Variants in LRRC63 observed in about 807,000 individuals in gnomAD.
LRRC63 encodes leucine-rich repeat-containing protein 63.
LRRC63 carries 40 observed loss-of-function variants against 49.5 expected under a neutral mutation model. The observed-to-expected ratio is 0.81, with a 90% CI of 0.63 to 1.05. The LOEUF is 1.05. Among genes scored for constraint, LRRC63 ranks in the 50% least tolerant of loss-of-function variants. The pLI, the probability that LRRC63 is intolerant of heterozygous loss-of-function variation, is 0.00. For synonymous variants in LRRC63, 191 were observed against 221.1 expected (o/e 0.86, Z 1.21); for missense variants, 636 against 663.1 (o/e 0.96, Z 0.45).
chr13:46,237,461 C>CTA lies in LRRC63; in HGVS notation c.990+3115_990+3116dup, dbSNP rs569880568. ...ACAAGTTGTTAATGTTGGGGGAAGG[C>CTA]TATAGGTACATGTGGTGAAGGGGTA... On this transcript the variant is annotated intron_variant, in intron 5 of 9. Transcript: ENST00000595396. Among the ~76,000 whole-genome samples, 74 of 152,030 alleles carry CTA rather than the reference C, an allele frequency of 4.9e-4. 1 individual carries two copies. The South Asian group carries it at 0.015, about 31-fold the overall frequency.
chr13:46,276,820 ATGTG>A (rs72350100), exon 10 of LRRC63: 14 of 203,824 alleles, frequency 6.9e-5, no homozygotes, highest in African/African-American at 2.4e-4. Context: ...GATTTATCGT[ATGTG>A]TGTGTATATA....
intron 5 of LRRC63, among the ~76,000 whole-genome samples, chr13:46,241,184 C>A (rs905359540): frequency 6.6e-6 from 1 of 152,186 alleles, no homozygotes; most frequent in Non-Finnish European, 1.5e-5. Flanking sequence ...CTACAACTAT[C>A]TGATCTTTGA....
chr13:46,275,749 GCTGTTGATT>G (rs2047827617), intron 9 of LRRC63, among the ~76,000 whole-genome samples: 1 of 151,848 alleles, frequency 6.6e-6, no homozygotes, highest in Admixed American at 6.6e-5. Context: ...CATTCTGTAG[GCTGTTGATT>G]CTGTTGATTT....
intron 9 of LRRC63, among the ~76,000 whole-genome samples, chr13:46,274,888 A>C (rs892504204): frequency 6.6e-6 from 1 of 152,126 alleles, no homozygotes; most frequent in Admixed American, 6.5e-5. Context: ...GAAAATACAC[A>C]ATAAATTATT....
exon 10 of LRRC63, chr13:46,276,806 C>T (rs899708028): frequency 1.7e-4 from 135 of 817,686 alleles, no homozygotes; most frequent in Non-Finnish European, 2.7e-5. Flanking sequence ...AATTATAGTA[C>T]AATGATTTAT....
intron 2 of LRRC63, among the ~76,000 whole-genome samples, chr13:46,215,375 T>C (rs2046219395): frequency 6.6e-6 from 1 of 152,210 alleles, no homozygotes; most frequent in Non-Finnish European, 1.5e-5. Flanking sequence ...GATGTTAAGC[T>C]TTTTTTCATA....
At chr13:46,263,256 G>A (rs867385817) in intron 8 of LRRC63, among the ~76,000 whole-genome samples, 5 of 151,596 alleles carry the variant, frequency 3.3e-5, no homozygotes, top group African/African-American at 1.2e-4. Flanking sequence ...AGCTCACTAC[G>A]GCCTTGAACT....
At chr13:46,215,557 C>T (rs772781183) in intron 2 of LRRC63, among the ~76,000 whole-genome samples, 14 of 151,954 alleles carry the variant, frequency 9.2e-5, no homozygotes, top group Non-Finnish European at 2.1e-4. Context: ...TTCTCCCATT[C>T]TGTAGGCTGC....
chr13:46,266,482 A>G (rs2047685848), intron 8 of LRRC63, among the ~76,000 whole-genome samples: 1 of 152,228 alleles, frequency 6.6e-6, no homozygotes, highest in South Asian at 2.1e-4. Context: ...CATAGTGATG[A>G]CATATTGCAA....
intron 8 of LRRC63, among the ~76,000 whole-genome samples, chr13:46,265,831 A>C (rs575087198): frequency 6.6e-6 from 1 of 152,114 alleles, no homozygotes. Context: ...AGACCATGAG[A>C]GGTGAATTAG....
chr13:46,241,659 A>G (rs112244349), intron 5 of LRRC63, among the ~76,000 whole-genome samples: 284 of 152,342 alleles, frequency 1.9e-3, no homozygotes, highest in African/African-American at 6.6e-3. Flanking sequence ...AAAAGTGGGC[A>G]AAGGCCATGA....
At chr13:46,253,209 T>C (rs148169672) in intron 7 of LRRC63, among the ~76,000 whole-genome samples, 1 of 150,640 alleles carries the variant, frequency 6.6e-6, no homozygotes, top group African/African-American at 2.4e-5. Context: ...AACAGAAAAG[T>C]CAAAGTAAAA....
At chr13:46,252,793 A>G (rs867203819) in intron 7 of LRRC63, among the ~76,000 whole-genome samples, 1 of 152,046 alleles carries the variant, frequency 6.6e-6, no homozygotes, top group Non-Finnish European at 1.5e-5. Flanking sequence ...CATATATAAC[A>G]TGAGATGGGA....
chr13:46,233,266 T>C (rs2046815941), intron 4 of LRRC63, among the ~76,000 whole-genome samples: 2 of 152,270 alleles, frequency 1.3e-5, no homozygotes, highest in East Asian at 1.9e-4. Flanking sequence ...CACAGACTTA[T>C]GTCTTAATTC....
chr13:46,233,676 C>T (rs1026334843), intron 4 of LRRC63, among the ~76,000 whole-genome samples: 1 of 152,070 alleles, frequency 6.6e-6, no homozygotes, highest in African/African-American at 2.4e-5. Context: ...TTGGCTTACT[C>T]CTGAGATGTT....
intron 2 of LRRC63, among the ~76,000 whole-genome samples, chr13:46,220,457 C>T (rs556082072): frequency 1.1e-4 from 17 of 152,274 alleles, no homozygotes; most frequent in Middle Eastern, 3.4e-3. Context: ...GCCCCTCCCC[C>T]ACCAAGCTTG....
intron 9 of LRRC63, among the ~76,000 whole-genome samples, chr13:46,267,733 AT>A (rs1279502428): frequency 3.9e-5 from 6 of 152,224 alleles, no homozygotes; most frequent in African/African-American, 1.4e-4. Context: ...TGGTATTAAG[AT>A]GTCAATATTC....
Position 46,258,676 on chromosome 13 carries a change from C to T in LRRC63, c.1227-3233C>T, listed in dbSNP as rs185208514. ...TACAAAAATTAGCTGGGCATGGTGGCGTGTGCCTGTAATCCCAGCTACTCA... is the reference window on the plus strand; with the variant it reads ...TACAAAAATTAGCTGGGCATGGTGGTGTGTGCCTGTAATCCCAGCTACTCA... On this transcript the variant is annotated intron_variant, in intron 7 of 9. Coordinates refer to ENST00000595396, the Ensembl canonical transcript of LRRC63. Among the ~76,000 whole-genome samples the T allele has an allele frequency of 4.5e-3, 674 of 150,802 alleles. 4 individuals carry two copies. The highest frequency in any genetic ancestry group is 0.015 in the African/African-American group (617 of 41,256).
intron 2 of LRRC63, among the ~76,000 whole-genome samples, chr13:46,226,469 C>T (rs1433111263): frequency 6.6e-6 from 1 of 152,190 alleles, no homozygotes; most frequent in African/African-American, 2.4e-5. Context: ...TTACTCTGAT[C>T]AGGAAACAGC....
Sources: allele counts gnomAD v4.1 joint callset (sites outside exome capture counted in the v4.1 genomes callset), GRCh38; gene constraint gnomAD v4.1.1; transcripts MANE v1.5; gene names NCBI Gene and HGNC (gene_info 2026-07-23, HGNC 2026-07-21).